NLGN4X: variants seen among roughly 807,000 people sequenced by gnomAD.
NLGN4X encodes neuroligin-4, X-linked.
A neutral mutation model predicts 40.3 loss-of-function variants in NLGN4X; 3 were observed. The ratio of observed to expected loss-of-function variants is 0.07; its 90% CI spans 0.03 to 0.19. The LOEUF (loss-of-function observed/expected upper bound fraction) is 0.19, where lower values mean the gene tolerates loss of function less well. Among genes scored for constraint, NLGN4X ranks in the 10% least tolerant of loss-of-function variants. NLGN4X has a pLI of 1.00. For synonymous variants in NLGN4X, 270 were observed against 306.8 expected (o/e 0.88, Z 1.25); for missense variants, 382 against 708.3 (o/e 0.54, Z 5.23).
intron 3 of NLGN4X, among the ~76,000 whole-genome samples, chrX:6,015,435 G>A (rs777613458): frequency 6.3e-5 from 7 of 111,110 alleles, no homozygotes; most frequent in Admixed American, 1.9e-4. Flanking sequence ...ATTATTACTA[G>A]TATTTTTTTA....
rs1407843937 is a variant in NLGN4X at position 5,891,146 on chromosome X, G to A, written c.*1671C>T. On this transcript the variant is annotated 3_prime_UTR_variant, in exon 6 of 6. Coordinates refer to ENST00000381095, the MANE Select transcript of NLGN4X (RefSeq NM_181332.3). Reference sequence around the variant, plus strand: ...TCAAAACTTTCCTGAAAAATGAGAAGAGAAATGAAAAAATGACAAGCTGTT... The same window carrying A: ...TCAAAACTTTCCTGAAAAATGAGAAAAGAAATGAAAAAATGACAAGCTGTT... 3.1e-5 allele frequency: 7 copies of A among 228,160 alleles called. No individual in the cohort carries two copies. Among genetic ancestry groups the A allele is most frequent in the Non-Finnish European group, 4.8e-5 (6 of 125,473 alleles). 18.8% of individuals were successfully genotyped at this position (228,160 alleles called of 1,213,427 possible). A position where few individuals can be genotyped will look rare whatever the true frequency, so the allele number is the denominator to read the frequency against.
intron 2 of NLGN4X, among the ~76,000 whole-genome samples, chrX:6,037,526 T>A (rs1384053888): frequency 9.0e-6 from 1 of 110,886 alleles, no homozygotes; most frequent in Admixed American, 9.7e-5. Context: ...ACAAATGTGA[T>A]CTTATCTAAG....
chrX:6,054,751 G>A (rs2037577729), intron 2 of NLGN4X, among the ~76,000 whole-genome samples: 4 of 111,058 alleles, frequency 3.6e-5, no homozygotes, highest in East Asian at 2.8e-4. Flanking sequence ...TCCATCTCCC[G>A]GGTTCAAGCA....
chrX:5,902,173 A>C (rs1462398867), intron 5 of NLGN4X, among the ~76,000 whole-genome samples: 1 of 111,114 alleles, frequency 9.0e-6, no homozygotes, highest in Non-Finnish European at 1.9e-5. Flanking sequence ...TGGGAAGATC[A>C]CTTGAGCCCA....
At chrX:5,978,313 TTTCTTTCTTTCTTTCTTTC>T (rs1569164853) in intron 3 of NLGN4X, among the ~76,000 whole-genome samples, 3 of 93,931 alleles carry the variant, frequency 3.2e-5, no homozygotes, top group Non-Finnish European at 2.0e-5. Context: ...TCTTTCTTTC[TTTCTTTCTTTCTTTCTTTC>T]TTTCTTTCTT....
chrX:6,089,768 A>G (rs1323453602), intron 2 of NLGN4X, among the ~76,000 whole-genome samples: 1 of 112,183 alleles, frequency 8.9e-6, no homozygotes, highest in African/African-American at 3.2e-5. Context: ...CTAGAAATAG[A>G]CCAGCATAGA....
At chrX:6,129,673 A>ATTTCC (rs2039636403) in intron 2 of NLGN4X, among the ~76,000 whole-genome samples, 1 of 110,887 alleles carries the variant, frequency 9.0e-6, no homozygotes. Context: ...TAGGAGTTTC[A>ATTTCC]TTTCCGTGGC....
At chrX:6,059,359 CCCCTGACAGCGTCAG>C (rs1370171440) in intron 2 of NLGN4X, among the ~76,000 whole-genome samples, 1 of 112,020 alleles carries the variant, frequency 8.9e-6, no homozygotes, top group Non-Finnish European at 1.9e-5. Flanking sequence ...AAACACACCA[CCCCTGACAGCGTCAG>C]CCCACGCTGA....
At position 5,978,112 on chromosome X, in the gene NLGN4X, C is replaced by T. The variant is rs965381136; in HGVS notation, c.625+51168G>A. On this transcript the variant is annotated intron_variant, in intron 3 of 5. Coordinates refer to ENST00000381095, the MANE Select transcript of NLGN4X (RefSeq NM_181332.3). The stretch of plus-strand genomic sequence containing the variant: ...CTCATAAATGGGTCCTCAATAACTA[C>T]ATGCCTGATTGAAAAAGAATCATGT... Among the ~76,000 whole-genome samples, 3 of 111,947 alleles carry T rather than the reference C, an allele frequency of 2.7e-5. No individual in the cohort carries two copies. The South Asian group carries it at 1.1e-3, about 42-fold the overall frequency.
intron 2 of NLGN4X, among the ~76,000 whole-genome samples, chrX:6,050,605 CTCTA>C (rs36225966): frequency 0.35 from 38,225 of 109,791 alleles, 5,082 homozygotes; most frequent in Non-Finnish European, 0.39. Context: ...ATCTATCCAT[CTCTA>C]TCTACCTATA....
chrX:5,993,842 A>G (rs147705005), intron 3 of NLGN4X, among the ~76,000 whole-genome samples: 1,779 of 112,017 alleles, frequency 0.016, 34 homozygotes, highest in African/African-American at 0.055. Flanking sequence ...GAAGAGGTTC[A>G]GCTGAAGTGA....
intron 4 of NLGN4X, among the ~76,000 whole-genome samples, chrX:5,906,118 A>T (rs2032159430): frequency 8.9e-6 from 1 of 112,261 alleles, no homozygotes; most frequent in South Asian, 3.7e-4. Context: ...ATTACTCCTG[A>T]AGTTGGTTCT....
chrX:6,130,822 C>G (rs2039663295), intron 2 of NLGN4X, among the ~76,000 whole-genome samples: 1 of 111,669 alleles, frequency 9.0e-6, no homozygotes, highest in African/African-American at 3.3e-5. Context: ...CGGATTAATC[C>G]TGTTAATAGT....
At chrX:6,153,980 T>C (rs2040213002) in intron 1 of NLGN4X, among the ~76,000 whole-genome samples, 1 of 112,624 alleles carries the variant, frequency 8.9e-6, no homozygotes, top group African/African-American at 3.2e-5. Flanking sequence ...TTTCACTCCC[T>C]TGTTTTTTGA....
intron 1 of NLGN4X, among the ~76,000 whole-genome samples, chrX:6,159,263 G>A (rs2040336785): frequency 9.0e-6 from 1 of 111,578 alleles, no homozygotes; most frequent in Admixed American, 9.6e-5. Flanking sequence ...AGGAGAGAGG[G>A]AAGCAACTCA....
At chrX:5,915,012 T>G (rs1180296392) in intron 3 of NLGN4X, among the ~76,000 whole-genome samples, 5 of 112,899 alleles carry the variant, frequency 4.4e-5, no homozygotes, top group African/African-American at 1.3e-4. Flanking sequence ...GGGAAGCTGA[T>G]GCACTGCATT....
chrX:6,103,885 G>T lies in NLGN4X; in HGVS notation c.472+47110C>A, dbSNP rs139465411. Among the ~76,000 whole-genome samples, 177 of 112,306 alleles carry T rather than the reference G, an allele frequency of 1.6e-3. 1 individual carries two copies. The East Asian group carries it at 0.047, about 30-fold the overall frequency. ...ACGCACCTTATGGTATTATGAATTA[G>T]ACCATAACTTTGTGGTACATGATGA... On this transcript the variant is annotated intron_variant, in intron 2 of 5. Coordinates refer to ENST00000381095, the MANE Select transcript of NLGN4X (RefSeq NM_181332.3).
intron 1 of NLGN4X, among the ~76,000 whole-genome samples, chrX:6,218,168 A>G (rs1295203383): frequency 1.8e-5 from 2 of 111,053 alleles, no homozygotes; most frequent in East Asian, 5.7e-4. Flanking sequence ...GCTAGGACAA[A>G]CCTACCCTCA....
chrX:5,950,791 C>T (rs1435472090), intron 3 of NLGN4X, among the ~76,000 whole-genome samples: 1 of 111,734 alleles, frequency 8.9e-6, no homozygotes, highest in Admixed American at 9.5e-5. Context: ...CTCACTGTGA[C>T]CTTGAAACTC....
Sources: gnomAD v4.1 joint callset for allele counts (sites outside exome capture counted in the v4.1 genomes callset) on GRCh38, gnomAD v4.1.1 for gene constraint, MANE v1.5 for transcripts, NCBI Gene and HGNC (gene_info 2026-07-23, HGNC 2026-07-21) for gene names.